The following DRAXIN variants were observed in gnomAD, a reference collection of about 807,000 sequenced individuals.
DRAXIN encodes the protein dorsal repulsive axon guidance protein.
A neutral mutation model predicts 33.9 loss-of-function variants in DRAXIN; 27 were observed. The observed-to-expected ratio is 0.80, with a 90% CI of 0.59 to 1.10. The LOEUF is 1.10. Among genes scored for constraint, DRAXIN ranks in the 50% least tolerant of loss-of-function variants. The probability of loss-of-function intolerance (pLI) is 0.00; values close to 1 mark genes in which losing one functional copy is unlikely to be tolerated. For synonymous variants in DRAXIN, 178 were observed against 194.0 expected (o/e 0.92, Z 0.69); for missense variants, 371 against 460.8 (o/e 0.81, Z 1.78).
rs547656710 is a variant in DRAXIN, at chr1:11,713,274, C to T, written c.847+845C>T. Among the ~76,000 whole-genome samples, 7 of 152,260 alleles carry T rather than the reference C, an allele frequency of 4.6e-5. No individual in the cohort carries two copies. In the South Asian group the frequency reaches 1.0e-3, roughly 23 times the overall value. Reference sequence around the variant, plus strand: ...ATTGAGCCCCAGAGAGGCTGTCTTGCCCAAGGTCACACGGTTAAGAAGTGG... The same window carrying T: ...ATTGAGCCCCAGAGAGGCTGTCTTGTCCAAGGTCACACGGTTAAGAAGTGG... On this transcript the variant is annotated intron_variant, in intron 5 of 6. Coordinates refer to ENST00000294485, the MANE Select transcript of DRAXIN (RefSeq NM_198545.4).
chr1:11,710,606 C>T (rs1486739915), intron 3 of DRAXIN, among the ~76,000 whole-genome samples: 1 of 152,048 alleles, frequency 6.6e-6, no homozygotes, highest in Non-Finnish European at 1.5e-5. Flanking sequence ...GTTCTTGCAC[C>T]TCTTCTGTGG....
rs1641390257 is a variant in DRAXIN at position 11,706,777 on chromosome 1, G to GGAT, written c.451+70_451+72dup. The GGAT allele has an allele frequency of 6.9e-7, 1 of 1,451,764 alleles. No individual in the cohort carries two copies. The highest frequency in any genetic ancestry group is 1.4e-5 in the African/African-American group (1 of 70,736). The allele number at this position is 1,451,764 out of a possible 1,614,324, so 89.9% of individuals were successfully genotyped here. On this transcript the variant is annotated intron_variant, in intron 2 of 6. Transcript: ENST00000294485. This position sits in a 1 kb window ranked among gnomAD's most constrained non-coding sequence, Gnocchi z 5.5. Reference sequence around the variant, plus strand: ...GCCATGGACTGAGGGGAGCAGGAGAGGATGCAGGCAAGGGTCAGGGGCATG... The same window carrying GGAT: ...GCCATGGACTGAGGGGAGCAGGAGAGGATGATGCAGGCAAGGGTCAGGGGCATG...
Position 11,706,908 on chromosome 1 carries a change from T to C in DRAXIN, c.451+199T>C, listed in dbSNP as rs1314679580. 6.6e-6 allele frequency among the ~76,000 whole-genome samples: 1 copy of C among 152,058 alleles called. No individual in the cohort carries two copies. Among genetic ancestry groups the C allele is most frequent in the Non-Finnish European group, 1.5e-5 (1 of 67,998 alleles). ...GGCATGGGAAGAGGAGAGGGATGTG[T>C]TGCAATACAATCTGTCTTATCGCGG... On this transcript the variant is annotated intron_variant, in intron 2 of 6. Coordinates refer to ENST00000294485, the MANE Select transcript of DRAXIN (RefSeq NM_198545.4). The surrounding 1 kb of genome is among the most constrained non-coding windows in gnomAD (Gnocchi z 5.5).
intron 3 of DRAXIN, among the ~76,000 whole-genome samples, chr1:11,710,552 C>T (rs547130433): frequency 6.6e-6 from 1 of 151,544 alleles, no homozygotes; most frequent in Non-Finnish European, 1.5e-5. Flanking sequence ...AAACACTACC[C>T]ACTGGTGATT....
At position 11,712,384 on chromosome 1, in the gene DRAXIN, C is replaced by A; in HGVS notation, c.802C>A (p.Pro268Thr). Residue 268 changes from proline to threonine, a missense_variant, in exon 5 of 7, where the codon CCA becomes ACA. Coordinates refer to ENST00000294485, the MANE Select transcript of DRAXIN (RefSeq NM_198545.4). The part of the protein sequence containing the change: ...KLSSDGNETS[P>T]AEGEPCDHHQ... ...CTCCAGTGATGGTAACGAAACATCA[C>A]CAGCCGAAGGGGAACCATGCGACCA... is the stretch of plus-strand genomic sequence containing the variant. 1 of 1,614,108 alleles carries A rather than the reference C, an allele frequency of 6.2e-7. No homozygotes were observed. The highest frequency in any genetic ancestry group is 8.5e-7 in the Non-Finnish European group (1 of 1,180,004).
rs748492188 is a variant in DRAXIN, at chr1:11,705,811, G to C, written c.-10-438G>C. ...TTCCATTTGTATGGAATTAGGCTCC[G>C]AGTCAAGTCTCAGGGGCCAGAGGCA... is the stretch of plus-strand genomic sequence containing the variant. On this transcript the variant is annotated intron_variant, in intron 1 of 6. Coordinates refer to ENST00000294485, the MANE Select transcript of DRAXIN (RefSeq NM_198545.4). The surrounding 1 kb of genome is among the most constrained non-coding windows in gnomAD (Gnocchi z 4.8). Among the ~76,000 whole-genome samples the C allele has an allele frequency of 6.6e-6, 1 of 152,160 alleles. No homozygotes were observed. Among genetic ancestry groups the C allele is most frequent in the Non-Finnish European group, 1.5e-5 (1 of 68,024 alleles).
In DRAXIN at chr1:11,705,381, A is replaced by G. The variant is rs1395704574; in HGVS notation, c.-10-868A>G. ...TCTCCCTCCAGTGTGGAGGGAGGGC[A>G]CTGGGTCCCCTGAGGGGGATATCCT... On this transcript the variant is annotated intron_variant, in intron 1 of 6. Transcript: ENST00000294485. This position sits in a 1 kb window ranked among gnomAD's most constrained non-coding sequence, Gnocchi z 4.8. 2.0e-5 allele frequency among the ~76,000 whole-genome samples: 3 copies of G among 151,962 alleles called. No homozygotes were observed. Among genetic ancestry groups the G allele is most frequent in the Non-Finnish European group, 4.4e-5 (3 of 67,956 alleles).
At chr1:11,710,054 G>A (rs1414753605) in intron 3 of DRAXIN, among the ~76,000 whole-genome samples, 13 of 152,140 alleles carry the variant, frequency 8.5e-5, no homozygotes, top group South Asian at 6.2e-4. Flanking sequence ...GTGTGGTGGC[G>A]CACGCCTGTA....
intron 6 of DRAXIN, among the ~76,000 whole-genome samples, chr1:11,718,564 A>G (rs1388416026): frequency 2.0e-5 from 3 of 152,118 alleles, no homozygotes; most frequent in African/African-American, 7.2e-5. Context: ...CCTGGGCTCA[A>G]AGGATCCTCT....
chr1:11,718,417 C>G (rs907775944), intron 6 of DRAXIN, among the ~76,000 whole-genome samples: 3 of 151,340 alleles, frequency 2.0e-5, no homozygotes, highest in Non-Finnish European at 4.4e-5. Context: ...TTTTTCCTTT[C>G]CAATTTTCAA....
intron 5 of DRAXIN, among the ~76,000 whole-genome samples, chr1:11,713,060 TG>T (rs937275788): frequency 2.6e-5 from 4 of 151,902 alleles, no homozygotes; most frequent in African/African-American, 9.7e-5. Flanking sequence ...TAGCTGGGCA[TG>T]GTGGTGTGCG....
intron 1 of DRAXIN, among the ~76,000 whole-genome samples, chr1:11,693,967 C>G (rs1641150135): frequency 6.6e-6 from 1 of 152,206 alleles, no homozygotes; most frequent in South Asian, 2.1e-4. Context: ...AACTGACCAT[C>G]TCCACAGTCT....
intron 6 of DRAXIN, among the ~76,000 whole-genome samples, chr1:11,715,833 C>G (rs1356542847): frequency 6.6e-6 from 1 of 152,210 alleles, no homozygotes; most frequent in East Asian, 1.9e-4. Flanking sequence ...CTTAATGATG[C>G]CCAAACTTAC....
At position 11,694,802 on chromosome 1, in the gene DRAXIN, G is replaced by A. The variant is rs1461495361; in HGVS notation, c.-11+2949G>A. Among the ~76,000 whole-genome samples the A allele has an allele frequency of 6.6e-6, 1 of 152,140 alleles. No individual in the cohort carries two copies. Among genetic ancestry groups the A allele is most frequent in the African/African-American group, 2.4e-5 (1 of 41,410 alleles). On this transcript the variant is annotated intron_variant, in intron 1 of 6. Coordinates refer to ENST00000294485, the MANE Select transcript of DRAXIN (RefSeq NM_198545.4). The surrounding 1 kb of genome is among the most constrained non-coding windows in gnomAD (Gnocchi z 4.9). ...TGGTCCCCAAGAAGAAGAAGGTTGT[G>A]GGAGGATGGCTGAATCCTTGCCAGT...
chr1:11,700,505 T>C (rs1021835468), intron 1 of DRAXIN, among the ~76,000 whole-genome samples: 9 of 152,354 alleles, frequency 5.9e-5, no homozygotes, highest in African/African-American at 2.2e-4. Flanking sequence ...CATGTTCAAA[T>C]TGGGTAGAGA....
At chr1:11,712,115 A>G (rs1641503737) in intron 4 of DRAXIN, 150 bp downstream of exon 4, 2 of 870,432 alleles carry the variant, frequency 2.3e-6, no homozygotes, top group Admixed American at 4.3e-5. Context: ...CCTAACCTGG[A>G]AACACCACTT....
rs181672321 is a variant in DRAXIN, at chr1:11,723,754, G to A, written c.*4058G>A. 4 of 152,052 alleles carry A rather than the reference G, an allele frequency of 2.6e-5. No homozygotes were observed. The highest frequency in any genetic ancestry group is 1.9e-4 in the East Asian group (1 of 5,172). The allele number at this position is 152,052 out of a possible 1,614,324, so 9.4% of individuals were successfully genotyped here. A position where few individuals can be genotyped will look rare whatever the true frequency, so the allele number is the denominator to read the frequency against. On this transcript the variant is annotated 3_prime_UTR_variant, in exon 7 of 7. Transcript: ENST00000294485. ...ATTATAGGCAAGCATCACCACGCCC[G>A]GTTACTGTTTGTATTTTTAGTAGAG...
intron 1 of DRAXIN, among the ~76,000 whole-genome samples, chr1:11,698,359 A>G (rs1641224490): frequency 6.6e-6 from 1 of 152,216 alleles, no homozygotes; most frequent in Non-Finnish European, 1.5e-5. Context: ...CACCTAAACA[A>G]GACAGAAGTC....
chr1:11,689,854 G>A (rs1212728054), upstream of DRAXIN, among the ~76,000 whole-genome samples: 5 of 151,868 alleles, frequency 3.3e-5, no homozygotes, highest in African/African-American at 1.2e-4. Flanking sequence ...GTAACAACAT[G>A]GTCCTATCCC....
Sources: allele counts gnomAD v4.1 joint callset (sites outside exome capture counted in the v4.1 genomes callset), GRCh38; gene constraint gnomAD v4.1.1; non-coding constraint Gnocchi (gnomAD v3.1); transcripts MANE v1.5; gene names NCBI Gene and HGNC (gene_info 2026-07-23, HGNC 2026-07-21).